Variants in ARPP21 observed in about 807,000 individuals in gnomAD.
ARPP21 encodes the protein cAMP-regulated phosphoprotein 21.
ARPP21 carries 69 observed loss-of-function variants against 113.2 expected under a neutral mutation model. The ratio of observed to expected loss-of-function variants is 0.61; its 90% confidence interval spans 0.50 to 0.74. The LOEUF (loss-of-function observed/expected upper bound fraction) is 0.74, where lower values mean the gene tolerates loss of function less well. Among genes scored for constraint, ARPP21 ranks in the 30% least tolerant of loss-of-function variants. The pLI, the probability that ARPP21 is intolerant of heterozygous loss-of-function variation, is 0.00. For synonymous variants in ARPP21, 368 were observed against 375.5 expected, an observed-to-expected ratio of 0.98 and a Z score of 0.23; for missense variants, 1,070 against 1,037.4, an observed-to-expected ratio of 1.03 and a Z score of -0.43.
Position 35,690,084 on chromosome 3 carries a change from C to T in ARPP21, c.489C>T (p.Asp163=). 1.5e-6 allele frequency: 2 copies of T among 1,378,214 alleles called. No individual in the cohort carries two copies. The highest frequency in any genetic ancestry group is 1.2e-5 in the South Asian group (1 of 85,816). 85.4% of individuals were successfully genotyped at this position (1,378,214 alleles called of 1,614,324 possible). Residue 163 remains aspartate (D), a synonymous_variant, in exon 8 of 21, where the codon GAC becomes GAT. Coordinates refer to ENST00000684406, the MANE Select transcript of ARPP21 (RefSeq NM_001385562.1). ...AAATTTAACATTTATTTTGCAGGGA[C>T]AGGATGATACTTTTGAAAATGGAGC... is the stretch of plus-strand genomic sequence containing the variant. ...LINTLKNNSR[D]RMILLKMEQE...
intron 12 of ARPP21, among the ~76,000 whole-genome samples, chr3:35,716,899 C>T (rs2092481364): frequency 6.6e-6 from 1 of 151,928 alleles, no homozygotes; most frequent in Non-Finnish European, 1.5e-5. Flanking sequence ...GACTTACCAC[C>T]AAAAATAAAT....
intron 9 of ARPP21, among the ~76,000 whole-genome samples, chr3:35,695,565 C>T (rs570836813): frequency 1.1e-4 from 17 of 151,598 alleles, no homozygotes; most frequent in African/African-American, 4.1e-4. Flanking sequence ...ACAATAGCTC[C>T]ATAACTGAAG....
At chr3:35,677,518 A>G (rs1381467570) in intron 1 of ARPP21, among the ~76,000 whole-genome samples, 1 of 151,980 alleles carries the variant, frequency 6.6e-6, no homozygotes, top group Non-Finnish European at 1.5e-5. Flanking sequence ...AATAGTTTAC[A>G]GCATTGTTGA....
At chr3:35,756,253 C>T (rs1042397308) in intron 19 of ARPP21, among the ~76,000 whole-genome samples, 2 of 152,072 alleles carry the variant, frequency 1.3e-5, no homozygotes, top group African/African-American at 4.8e-5. Context: ...CTGTCTGAAA[C>T]TCATCGAATT....
intron 18 of ARPP21, among the ~76,000 whole-genome samples, chr3:35,743,284 T>C (rs1447411407): frequency 1.3e-5 from 2 of 152,364 alleles, no homozygotes; most frequent in Middle Eastern, 3.4e-3. Flanking sequence ...TTTCACTCTC[T>C]CTTGTTTCAT....
At chr3:35,687,287 C>A (rs1208150617) in intron 5 of ARPP21, among the ~76,000 whole-genome samples, 2 of 150,466 alleles carry the variant, frequency 1.3e-5, no homozygotes, top group African/African-American at 4.9e-5. Flanking sequence ...TATGTCTGTT[C>A]TATTTGTAAT....
rs1223168023 is a variant in ARPP21 at position 35,707,092 on chromosome 3, C to T, written c.795+10C>T. On this transcript the variant is annotated intron_variant, in intron 10 of 20. Transcript: ENST00000684406. Reference sequence around the variant, plus strand: ...TAAAGAAGACAATCAGGTTGGTTCTCAAGTTTGAGAGTGGCTGACATTGTT... The same window carrying T: ...TAAAGAAGACAATCAGGTTGGTTCTTAAGTTTGAGAGTGGCTGACATTGTT... The T allele has an allele frequency of 1.2e-6, 2 of 1,600,150 alleles. No homozygotes were observed. The highest frequency in any genetic ancestry group is 2.7e-5 in the African/African-American group (2 of 74,456).
chr3:35,652,684 A>G (rs1001705049), intron 1 of ARPP21, among the ~76,000 whole-genome samples: 4 of 152,024 alleles, frequency 2.6e-5, no homozygotes, highest in Non-Finnish European at 4.4e-5. Flanking sequence ...TATTGAATTG[A>G]CAGCTAAAAT....
chr3:35,717,281 A>T lies in ARPP21; in HGVS notation c.936-17A>T. On this transcript the variant is annotated splice_polypyrimidine_tract_variant and intron_variant, in intron 12 of 20. Coordinates refer to ENST00000684406, the MANE Select transcript of ARPP21 (RefSeq NM_001385562.1). ...CCTTAGGTTTTATATCATAAAAATC[A>T]TGTTTTTCATTTCCAGTAGGCTCTT... The T allele has an allele frequency of 6.5e-7, 1 of 1,534,604 alleles. No individual in the cohort carries two copies. The highest frequency in any genetic ancestry group is 1.1e-5 in the South Asian group (1 of 89,294).
At chr3:35,675,997 G>T (rs1233465842) in intron 1 of ARPP21, among the ~76,000 whole-genome samples, 1 of 151,834 alleles carries the variant, frequency 6.6e-6, no homozygotes, top group African/African-American at 2.4e-5. Context: ...CCTTTGATCT[G>T]TAGGTGTGTA....
In ARPP21 at chr3:35,696,634, G is replaced by C. The variant is rs534895199; in HGVS notation, c.686+5629G>C. On this transcript the variant is annotated intron_variant, in intron 9 of 20. Transcript: ENST00000684406. Reference sequence around the variant, plus strand: ...TTTTTTATGGAATTTTTTGTCAGCTGTCAGATTAGGTGATGCTGCTGAATG... The same window carrying C: ...TTTTTTATGGAATTTTTTGTCAGCTCTCAGATTAGGTGATGCTGCTGAATG... Among the ~76,000 whole-genome samples the C allele has an allele frequency of 2.6e-5, 4 of 151,546 alleles. No homozygotes were observed. In the East Asian group the frequency reaches 5.9e-4, roughly 22 times the overall value.
intron 19 of ARPP21, among the ~76,000 whole-genome samples, chr3:35,770,258 CT>C (rs2096150775): frequency 6.6e-6 from 1 of 151,912 alleles, no homozygotes; most frequent in African/African-American, 2.4e-5. Context: ...AAAATTCCTC[CT>C]TTTATTCATT....
At chr3:35,704,519 A>T (rs2087919477) in intron 9 of ARPP21, among the ~76,000 whole-genome samples, 1 of 151,884 alleles carries the variant, frequency 6.6e-6, no homozygotes, top group African/African-American at 2.4e-5. Flanking sequence ...CTCAGATTTA[A>T]AACAAACAAA....
chr3:35,708,988 T>C lies in ARPP21; in HGVS notation c.815T>C (p.Phe272Ser). 6.2e-7 allele frequency: 1 copy of C among 1,613,570 alleles called. No individual in the cohort carries two copies. The highest frequency in any genetic ancestry group is 8.5e-7 in the Non-Finnish European group (1 of 1,179,670). The change falls in exon 11 of 21, where the codon TTT becomes TCT. Residue 272 changes from phenylalanine to serine, a missense_variant. Physicochemically the swap from Phe to Ser is radical, Grantham distance 155 (BLOSUM62 -2). Coordinates refer to ENST00000684406, the MANE Select transcript of ARPP21 (RefSeq NM_001385562.1). Reference protein sequence around the residue: ...EDNQQNRMHPFRDDRRSKSIE... With the variant: ...EDNQQNRMHPSRDDRRSKSIE... ...GTTCAGCAAAACAGAATGCATCCAT[T>C]TAGAGATGACAGACGAAGTAAATCA...
intron 14 of ARPP21, among the ~76,000 whole-genome samples, chr3:35,724,997 T>G (rs190063997): frequency 2.0e-5 from 3 of 152,324 alleles, no homozygotes; most frequent in Non-Finnish European, 4.4e-5. Context: ...GAGAATGTAT[T>G]CATTATTATT....
chr3:35,702,862 T>G (rs564451322), intron 9 of ARPP21, among the ~76,000 whole-genome samples: 43 of 151,956 alleles, frequency 2.8e-4, no homozygotes, highest in African/African-American at 1.0e-3. Flanking sequence ...ACATCCAAAA[T>G]GTACATACTT....
chr3:35,691,690 T>C (rs2082288983), intron 9 of ARPP21, among the ~76,000 whole-genome samples: 1 of 151,592 alleles, frequency 6.6e-6, no homozygotes, highest in Non-Finnish European at 1.5e-5. Context: ...AAAAGCATAA[T>C]AACATGAGTA....
intron 12 of ARPP21, 38 bp from the exon 13 acceptor site, chr3:35,717,260 A>G: frequency 1.6e-6 from 2 of 1,241,346 alleles, no homozygotes; most frequent in Non-Finnish European, 2.4e-6. Flanking sequence ...TAGTACCCTT[A>G]GGTTTTATAT....
chr3:35,682,968 C>A, intron 4 of ARPP21, 79 bp downstream of exon 4: 1 of 1,353,548 alleles, frequency 7.4e-7, no homozygotes, highest in Non-Finnish European at 1.0e-6. Flanking sequence ...AAAGGATTTG[C>A]CAGCATTTCA....
Sources: allele counts gnomAD v4.1 joint callset (sites outside exome capture counted in the v4.1 genomes callset), GRCh38; gene constraint gnomAD v4.1.1; transcripts MANE v1.5; gene names NCBI Gene and HGNC (gene_info 2026-07-23, HGNC 2026-07-21).